KCTD16: variants seen among roughly 807,000 people sequenced by gnomAD.
The protein encoded by KCTD16 is BTB/POZ domain-containing protein KCTD16.
A neutral mutation model predicts 33.2 loss-of-function variants in KCTD16; 13 were observed. That is an observed-to-expected ratio of 0.39 (90% CI 0.25 to 0.62). KCTD16 has a LOEUF of 0.62. KCTD16 is among the 20% of genes least tolerant of loss of function. The probability of loss-of-function intolerance (pLI) is 0.50; values close to 1 mark genes in which losing one functional copy is unlikely to be tolerated. For synonymous variants in KCTD16, 197 were observed against 195.3 expected, an observed-to-expected ratio of 1.01 and a Z score of -0.07; for missense variants, 441 against 525.1, an observed-to-expected ratio of 0.84 and a Z score of 1.57.
intron 3 of KCTD16, among the ~76,000 whole-genome samples, chr5:144,471,246 C>T (rs1037680022): frequency 2.0e-5 from 3 of 152,122 alleles, no homozygotes; most frequent in Non-Finnish European, 4.4e-5. Context: ...CTCAAGTTTC[C>T]TTCTGGGTCC....
intron 3 of KCTD16, among the ~76,000 whole-genome samples, chr5:144,336,986 A>G (rs1580882655): frequency 6.6e-6 from 1 of 150,750 alleles, no homozygotes; most frequent in African/African-American, 2.4e-5. Flanking sequence ...ATATATATAT[A>G]TATTTAATAT....
intron 3 of KCTD16, among the ~76,000 whole-genome samples, chr5:144,308,781 G>A (rs1580861846): frequency 6.6e-6 from 1 of 151,832 alleles, no homozygotes; most frequent in African/African-American, 2.4e-5. Flanking sequence ...TAGGGTGGGT[G>A]CAAAACCCTT....
At position 144,318,420 on chromosome 5, in the gene KCTD16, G is replaced by A. The variant is rs113954662; in HGVS notation, c.832+110874G>A. ...GACAGCCAGGTGATGTTGAAGAAAC[G>A]TATGGGTTTATTTCATTAGGAGTAA... On this transcript the variant is annotated intron_variant, in intron 3 of 3. Transcript: ENST00000512467. Among the ~76,000 whole-genome samples the A allele has an allele frequency of 6.6e-5, 10 of 152,228 alleles. 1 individual carries two copies. The highest frequency in any genetic ancestry group is 2.4e-4 in the African/African-American group (10 of 41,532).
chr5:144,263,343 T>G (rs1209905921), intron 3 of KCTD16, among the ~76,000 whole-genome samples: 1 of 152,202 alleles, frequency 6.6e-6, no homozygotes, highest in Admixed American at 6.5e-5. Flanking sequence ...GTTTGAGTCT[T>G]CTTTATTCTG....
Position 144,291,330 on chromosome 5 carries a change from T to A in KCTD16, c.832+83784T>A, listed in dbSNP as rs565212620. 5.9e-5 allele frequency among the ~76,000 whole-genome samples: 9 copies of A among 152,324 alleles called. No individual in the cohort carries two copies. In the East Asian group the frequency reaches 1.7e-3, roughly 29 times the overall value. ...AGTTACCTCCATACTGGTATACACTTTGACTTTTTGTTCAGCTTATTTGTT... is the reference window on the plus strand; with the variant it reads ...AGTTACCTCCATACTGGTATACACTATGACTTTTTGTTCAGCTTATTTGTT... On this transcript the variant is annotated intron_variant, in intron 3 of 3. Coordinates refer to ENST00000512467, the MANE Select transcript of KCTD16 (RefSeq NM_020768.4).
chr5:144,208,015 G>A (rs907569183), intron 3 of KCTD16, among the ~76,000 whole-genome samples: 9 of 152,206 alleles, frequency 5.9e-5, no homozygotes, highest in African/African-American at 2.2e-4. Flanking sequence ...ACAAATGGAT[G>A]TTGCAATGAA....
chr5:144,296,428 A>G (rs1756038840), intron 3 of KCTD16, among the ~76,000 whole-genome samples: 1 of 152,260 alleles, frequency 6.6e-6, no homozygotes. Flanking sequence ...GCATTTGGCA[A>G]TCAAGACTTT....
At chr5:144,452,481 G>T (rs986982988) in intron 3 of KCTD16, among the ~76,000 whole-genome samples, 2 of 151,832 alleles carry the variant, frequency 1.3e-5, no homozygotes, top group Non-Finnish European at 2.9e-5. Context: ...AAGTGGATTG[G>T]GGGGAGCAAG....
chr5:144,206,685 T>G lies in KCTD16; in HGVS notation c.-30T>G. On this transcript the variant is annotated 5_prime_UTR_variant, in exon 3 of 4. Transcript: ENST00000512467. ...GACTCCATTGGATTGCACCTTTAAA[T>G]CAAAATAGCAGCAGCAGAAGAAAGG... 2 of 1,573,710 alleles carry G rather than the reference T, an allele frequency of 1.3e-6. No individual in the cohort carries two copies. The highest frequency in any genetic ancestry group is 1.7e-6 in the Non-Finnish European group (2 of 1,153,574).
At chr5:144,413,831 G>A (rs912299497) in intron 3 of KCTD16, among the ~76,000 whole-genome samples, 2 of 152,168 alleles carry the variant, frequency 1.3e-5, no homozygotes, top group African/African-American at 4.8e-5. Flanking sequence ...GTCTTCAATA[G>A]TTTGTTGCTG....
intron 3 of KCTD16, among the ~76,000 whole-genome samples, chr5:144,213,876 C>T (rs528629762): frequency 6.6e-6 from 1 of 152,276 alleles, no homozygotes; most frequent in Admixed American, 6.5e-5. Flanking sequence ...ATTGCACTTC[C>T]ATTCTTGTCA....
chr5:144,449,168 C>G (rs1324591773), intron 3 of KCTD16, among the ~76,000 whole-genome samples: 7 of 151,892 alleles, frequency 4.6e-5, no homozygotes, highest in Non-Finnish European at 1.5e-5. Context: ...CAGATGGTCT[C>G]TTTTTCAAGT....
At chr5:144,221,864 C>T (rs1370152558) in intron 3 of KCTD16, among the ~76,000 whole-genome samples, 1 of 152,192 alleles carries the variant, frequency 6.6e-6, no homozygotes, top group African/African-American at 2.4e-5. Context: ...AATGGTTGAA[C>T]TAATTTACAC....
chr5:144,445,736 C>CT (rs140059043), intron 3 of KCTD16, among the ~76,000 whole-genome samples: 2,334 of 147,214 alleles, frequency 0.016, 60 homozygotes, highest in African/African-American at 0.052. Context: ...TGGCCTAGAC[C>CT]TTTTTTTTTT....
chr5:144,427,660 C>A, intron 3 of KCTD16, among the ~76,000 whole-genome samples: 1 of 152,218 alleles, frequency 6.6e-6, no homozygotes, highest in Middle Eastern at 3.4e-3. Context: ...CTGCTATCAT[C>A]CCCAGAGATG....
chr5:144,473,933 T>C lies in KCTD16; in HGVS notation c.1106T>C (p.Leu369Pro), dbSNP rs1754536959. Reference sequence around the variant, plus strand: ...CGGAAAAGCGACTTACTCCGGACTCTGACTTCAGGCTCCAGGGAATCGAAC... The same window carrying C: ...CGGAAAAGCGACTTACTCCGGACTCCGACTTCAGGCTCCAGGGAATCGAAC... The part of the protein sequence containing the change: ...MRRKSDLLRT[L>P]TSGSRESNMS... Residue 369 changes from leucine to proline, a missense_variant, in exon 4 of 4, where the codon CTG becomes CCG. Physicochemically the swap from Leu to Pro is moderately conservative, Grantham distance 98. This residue lies in a region of KCTD16 where 355 missense variants were observed against 413.0 expected (regional missense o/e 0.86). Transcript: ENST00000512467. The C allele has an allele frequency of 1.2e-6, 2 of 1,614,056 alleles. No individual in the cohort carries two copies. The highest frequency in any genetic ancestry group is 3.3e-5 in the Admixed American group (2 of 60,014).
chr5:144,364,572 T>A (rs1395340255), intron 3 of KCTD16, among the ~76,000 whole-genome samples: 1 of 152,230 alleles, frequency 6.6e-6, no homozygotes. Context: ...TCATTACATA[T>A]TTGTGCTCTG....
At chr5:144,218,103 C>T (rs1326369850) in intron 3 of KCTD16, among the ~76,000 whole-genome samples, 1 of 152,146 alleles carries the variant, frequency 6.6e-6, no homozygotes, top group Non-Finnish European at 1.5e-5. Context: ...CTAGAAATAC[C>T]TATTGAATAC....
At chr5:144,212,173 G>T (rs1205807754) in intron 3 of KCTD16, among the ~76,000 whole-genome samples, 3 of 152,086 alleles carry the variant, frequency 2.0e-5, no homozygotes, top group Non-Finnish European at 4.4e-5. Context: ...GGCAGATATT[G>T]GATAATAAAG....
Sources: gnomAD v4.1 joint callset for allele counts (sites outside exome capture counted in the v4.1 genomes callset) on GRCh38, gnomAD v4.1.1 for gene constraint, gnomAD v4.1.1 regional missense constraint, MANE v1.5 for transcripts, NCBI Gene and HGNC (gene_info 2026-07-23, HGNC 2026-07-21) for gene names.